Variants in KYNU observed in about 807,000 individuals in gnomAD.
KYNU encodes the protein kynureninase, also known as L-kynurenine hydrolase.
A neutral mutation model predicts 59.2 loss-of-function variants in KYNU; 54 were observed. The observed-to-expected ratio is 0.91, with a 90% CI of 0.73 to 1.14. KYNU has a LOEUF of 1.14. KYNU is among the 50% of genes most tolerant of loss of function. The pLI is 0.00. For synonymous variants in KYNU, 177 were observed against 192.0 expected (o/e 0.92, Z 0.65); for missense variants, 567 against 554.4 (o/e 1.02, Z -0.23).
In KYNU at chr2:143,029,651, A is replaced by C; in HGVS notation, c.927A>C (p.Glu309Asp). The C allele has an allele frequency of 1.3e-6, 2 of 1,596,100 alleles. No individual in the cohort carries two copies. Among genetic ancestry groups the C allele is most frequent in the Non-Finnish European group, 1.7e-6 (2 of 1,163,620 alleles). The change falls in exon 11 of 14, where the codon GAA becomes GAC. Residue 309 changes from glutamate (E) to aspartate (D), a missense_variant. Coordinates refer to ENST00000264170, the MANE Select transcript of KYNU (RefSeq NM_003937.3). ...GATTAGTGGGATGGTTTGGCCATGA[A>C]CTCAGCACCAGATTTAAGATGGATA... is the stretch of plus-strand genomic sequence containing the variant. ...KPALVGWFGH[E>D]LSTRFKMDNK...
Position 143,047,529 on chromosome 2 carries a change from TTCTC to T in KYNU, c.*5363_*5366del, listed in dbSNP as rs1368326629. 6.6e-6 allele frequency: 1 copy of T among 151,860 alleles called. No individual in the cohort carries two copies. Among genetic ancestry groups the T allele is most frequent in the Non-Finnish European group, 1.5e-5 (1 of 67,974 alleles). The allele number at this position is 151,860 out of a possible 1,614,324, so 9.4% of individuals were successfully genotyped here. A position where few individuals can be genotyped will look rare whatever the true frequency, so the allele number is the denominator to read the frequency against. On this transcript the variant is annotated 3_prime_UTR_variant, in exon 14 of 14. Coordinates refer to ENST00000264170, the MANE Select transcript of KYNU (RefSeq NM_003937.3). ...TTCCTTCTTTCCTTGTTCTCTTTCTTTCTCTCTCTTTCTCTTTCTCTCTTTCTTT... is the reference window on the plus strand; with the variant it reads ...TTCCTTCTTTCCTTGTTCTCTTTCTTTCTCTTTCTCTTTCTCTCTTTCTTT...
At chr2:142,906,394 C>G (rs1226736532) in intron 2 of KYNU, among the ~76,000 whole-genome samples, 1 of 152,146 alleles carries the variant, frequency 6.6e-6, no homozygotes, top group African/African-American at 2.4e-5. Flanking sequence ...AGGAGAGCAT[C>G]TTAAACAATG....
At chr2:142,997,602 G>C (rs1362486305) in intron 10 of KYNU, among the ~76,000 whole-genome samples, 1 of 152,154 alleles carries the variant, frequency 6.6e-6, no homozygotes, top group Non-Finnish European at 1.5e-5. Context: ...GTAATAAGTT[G>C]CCAAATTAAA....
intron 10 of KYNU, among the ~76,000 whole-genome samples, chr2:143,006,351 C>G (rs1481232316): frequency 6.6e-6 from 1 of 151,850 alleles, no homozygotes; most frequent in Non-Finnish European, 1.5e-5. Flanking sequence ...TTCTGATTGA[C>G]TTAAAAAACG....
chr2:142,927,731 GGA>G lies in KYNU; in HGVS notation c.364_365del (p.Asp122HisfsTer6). ...ATGAGAGTATTGTAGGCCTTATGAA[GGA>G]CATTGTAGGTAAGTACAAAACACTG... The part of the protein sequence containing the change: ...GDESIVGLMK[D>X]IVGANEKEIA... On this transcript the variant is annotated frameshift_variant, in exon 4 of 14. Transcript: ENST00000264170. LOFTEE classifies it high-confidence loss of function. The G allele has an allele frequency of 6.2e-7, 1 of 1,607,876 alleles. No individual in the cohort carries two copies. Among genetic ancestry groups the G allele is most frequent in the Admixed American group, 1.7e-5 (1 of 59,992 alleles).
At chr2:142,988,275 A>G (rs975264854) in intron 10 of KYNU, among the ~76,000 whole-genome samples, 1 of 151,974 alleles carries the variant, frequency 6.6e-6, no homozygotes, top group African/African-American at 2.4e-5. Context: ...CTCACTGAGA[A>G]TGTGCATAGT....
intron 12 of KYNU, among the ~76,000 whole-genome samples, chr2:143,035,239 A>C (rs1686861969): frequency 6.6e-6 from 1 of 152,190 alleles, no homozygotes; most frequent in Admixed American, 6.5e-5. Context: ...TATGTTACCC[A>C]GTCAATATCT....
chr2:142,971,875 A>G (rs918807053), intron 8 of KYNU, among the ~76,000 whole-genome samples: 1 of 152,306 alleles, frequency 6.6e-6, no homozygotes, highest in South Asian at 2.1e-4. Context: ...TGCTTTTTGT[A>G]AGTTTTGAGT....
At chr2:142,945,993 C>T (rs1446407773) in intron 4 of KYNU, among the ~76,000 whole-genome samples, 4 of 152,098 alleles carry the variant, frequency 2.6e-5, no homozygotes, top group Non-Finnish European at 5.9e-5. Flanking sequence ...CCACTTTGGC[C>T]TCCCAAAGTG....
chr2:143,000,219 T>C (rs1034082736), intron 10 of KYNU, among the ~76,000 whole-genome samples: 3 of 152,182 alleles, frequency 2.0e-5, no homozygotes, highest in Admixed American at 1.3e-4. Flanking sequence ...GGTTGAATTG[T>C]TTTGATGAAT....
At chr2:142,927,161 T>G (rs536153849) in intron 3 of KYNU, among the ~76,000 whole-genome samples, 1 of 152,236 alleles carries the variant, frequency 6.6e-6, no homozygotes, top group Non-Finnish European at 1.5e-5. Flanking sequence ...GCTTTGATTA[T>G]TCATAAATTT....
At chr2:142,901,335 G>C (rs1220882098) in intron 2 of KYNU, among the ~76,000 whole-genome samples, 1 of 152,130 alleles carries the variant, frequency 6.6e-6, no homozygotes, top group East Asian at 1.9e-4. Context: ...TCCTTGTGAG[G>C]TTCCCCGTTC....
intron 2 of KYNU, among the ~76,000 whole-genome samples, chr2:142,898,202 A>G (rs1162607474): frequency 6.6e-6 from 1 of 152,170 alleles, no homozygotes; most frequent in Non-Finnish European, 1.5e-5. Flanking sequence ...AAACCAGCAA[A>G]TCATACATTT....
chr2:142,886,921 A>G (rs1353869972), intron 2 of KYNU, among the ~76,000 whole-genome samples: 11 of 152,220 alleles, frequency 7.2e-5, no homozygotes, highest in Non-Finnish European at 1.6e-4. Flanking sequence ...CTGTAATCCC[A>G]GCACTTTGGG....
intron 12 of KYNU, among the ~76,000 whole-genome samples, chr2:143,034,136 A>G (rs1573918726): frequency 6.6e-6 from 1 of 151,322 alleles, no homozygotes; most frequent in Non-Finnish European, 1.5e-5. Flanking sequence ...AAATTCATAT[A>G]TAATGTAAAT....
intron 10 of KYNU, among the ~76,000 whole-genome samples, chr2:143,004,309 T>G (rs1685802875): frequency 6.6e-6 from 1 of 152,218 alleles, no homozygotes; most frequent in African/African-American, 2.4e-5. Context: ...AGCTCTCTAC[T>G]GGTAGAAAGT....
chr2:142,986,987 G>A (rs1163514587), intron 10 of KYNU, among the ~76,000 whole-genome samples: 2 of 151,502 alleles, frequency 1.3e-5, no homozygotes, highest in African/African-American at 2.4e-5. Flanking sequence ...TTTTTTCAAG[G>A]TTTTAAGGTT....
intron 7 of KYNU, among the ~76,000 whole-genome samples, chr2:142,958,249 T>G (rs1684231425): frequency 6.6e-6 from 1 of 152,182 alleles, no homozygotes; most frequent in African/African-American, 2.4e-5. Context: ...CTCTCCAGTT[T>G]ACTGGGTATG....
chr2:142,954,704 A>G (rs1245026356), intron 4 of KYNU, 106 bp from the exon 5 acceptor site: 1 of 757,756 alleles, frequency 1.3e-6, no homozygotes, highest in Non-Finnish European at 2.4e-6. Flanking sequence ...ATATGCCCTT[A>G]TCTCTAAAGA....
Sources: allele counts gnomAD v4.1 joint callset (sites outside exome capture counted in the v4.1 genomes callset), GRCh38; gene constraint gnomAD v4.1.1; transcripts MANE v1.5; gene names NCBI Gene and HGNC (gene_info 2026-07-23, HGNC 2026-07-21).